Variants in FBXL2 observed in about 807,000 individuals in gnomAD.
FBXL2 encodes F-box and leucine rich repeat protein 2.
Under a neutral mutation model 69.2 loss-of-function variants are expected in FBXL2, and 38 were observed. The observed-to-expected ratio is 0.55, with a 90% CI of 0.42 to 0.72. FBXL2 has a LOEUF of 0.72. FBXL2 is among the 30% of genes least tolerant of loss of function. FBXL2 has a pLI of 0.00. For synonymous variants in FBXL2, 192 were observed against 201.3 expected (o/e 0.95, Z 0.39); for missense variants, 354 against 520.3 (o/e 0.68, Z 3.11).
At chr3:33,334,544 G>A (rs1357517285) in intron 2 of FBXL2, among the ~76,000 whole-genome samples, 2 of 152,120 alleles carry the variant, frequency 1.3e-5, no homozygotes, top group Non-Finnish European at 2.9e-5. Context: ...CATCAGCAAC[G>A]TGTAAGGAAA....
chr3:33,303,729 T>A (rs575744037), intron 2 of FBXL2, among the ~76,000 whole-genome samples: 1 of 152,194 alleles, frequency 6.6e-6, no homozygotes, highest in African/African-American at 2.4e-5. Context: ...TAATTAGATA[T>A]ACATTATAAG....
chr3:33,311,234 T>C (rs1007840171), intron 2 of FBXL2, among the ~76,000 whole-genome samples: 1 of 152,198 alleles, frequency 6.6e-6, no homozygotes, highest in African/African-American at 2.4e-5. Flanking sequence ...CAATCCTGTG[T>C]TTTGGTGTAG....
At chr3:33,352,058 T>C (rs1224992546) in intron 2 of FBXL2, among the ~76,000 whole-genome samples, 2 of 151,982 alleles carry the variant, frequency 1.3e-5, no homozygotes, top group African/African-American at 4.8e-5. Context: ...ACTGACACTA[T>C]TGGACTAATT....
At chr3:33,394,962 A>G (rs1002165197) in intron 12 of FBXL2, among the ~76,000 whole-genome samples, 3 of 152,076 alleles carry the variant, frequency 2.0e-5, no homozygotes, top group African/African-American at 7.2e-5. Context: ...GGAAATATTT[A>G]CTACCTGACC....
chr3:33,319,410 A>G (rs1232215882), intron 2 of FBXL2, among the ~76,000 whole-genome samples: 1 of 152,240 alleles, frequency 6.6e-6, no homozygotes, highest in Admixed American at 6.5e-5. Context: ...TGAAGTATCT[A>G]TGAATTTTTA....
At chr3:33,317,314 C>T (rs922764271) in intron 2 of FBXL2, among the ~76,000 whole-genome samples, 3 of 152,190 alleles carry the variant, frequency 2.0e-5, no homozygotes, top group East Asian at 1.9e-4. Flanking sequence ...AATACACTTA[C>T]ACCTCAACCT....
At chr3:33,354,056 T>A (rs78649711) in intron 2 of FBXL2, among the ~76,000 whole-genome samples, 1 of 152,362 alleles carries the variant, frequency 6.6e-6, no homozygotes, top group Non-Finnish European at 1.5e-5. Context: ...GAGTGAACTT[T>A]GTTGTAAACT....
chr3:33,394,951 T>C (rs2043917278), intron 12 of FBXL2, among the ~76,000 whole-genome samples: 1 of 151,844 alleles, frequency 6.6e-6, no homozygotes, highest in Non-Finnish European at 1.5e-5. Context: ...TCTAAAGAGA[T>C]GGAAATATTT....
intron 5 of FBXL2, among the ~76,000 whole-genome samples, chr3:33,369,300 C>A (rs1226861814): frequency 6.6e-6 from 1 of 152,124 alleles, no homozygotes; most frequent in South Asian, 2.1e-4. Flanking sequence ...GATCTGCCCA[C>A]CTCAGCCTCC....
chr3:33,319,501 G>C (rs1293105704), intron 2 of FBXL2, among the ~76,000 whole-genome samples: 3 of 152,106 alleles, frequency 2.0e-5, no homozygotes, highest in Non-Finnish European at 4.4e-5. Context: ...ACTGTGCTTA[G>C]AATGTTGAAT....
chr3:33,347,738 G>A (rs140084795), intron 2 of FBXL2, among the ~76,000 whole-genome samples: 32 of 152,032 alleles, frequency 2.1e-4, no homozygotes, highest in African/African-American at 3.6e-4. Flanking sequence ...ATGATATCTC[G>A]TTGTATTTTG....
chr3:33,309,413 A>G (rs12489719), intron 2 of FBXL2, among the ~76,000 whole-genome samples: 11,866 of 152,228 alleles, frequency 0.078, 543 homozygotes, highest in South Asian at 0.11. Context: ...TTTATTTGAT[A>G]TAAGTATATA....
At chr3:33,394,811 C>T (rs1398802747) in intron 12 of FBXL2, among the ~76,000 whole-genome samples, 1 of 140,576 alleles carries the variant, frequency 7.1e-6, no homozygotes, top group East Asian at 2.2e-4. Context: ...TTCCTGCCCT[C>T]CACTTGTTTT....
chr3:33,402,561 G>T (rs748505011), intron 12 of FBXL2, among the ~76,000 whole-genome samples: 2 of 152,106 alleles, frequency 1.3e-5, no homozygotes, highest in Non-Finnish European at 2.9e-5. Flanking sequence ...TGAAAATGGC[G>T]CCTTGTCTAC....
intron 12 of FBXL2, chr3:33,397,214 G>T: frequency 9.6e-7 from 1 of 1,037,502 alleles, no homozygotes; most frequent in East Asian, 2.5e-5. Flanking sequence ...TCTTCATGCA[G>T]TCCAATGTCC....
intron 12 of FBXL2, among the ~76,000 whole-genome samples, chr3:33,395,330 C>CT (rs397940588): frequency 0.024 from 3,530 of 147,548 alleles, 125 homozygotes; most frequent in African/African-American, 0.077. Flanking sequence ...ATTAACACAT[C>CT]TTTTTTTTTT....
chr3:33,292,234 A>T (rs1384664566), intron 1 of FBXL2, among the ~76,000 whole-genome samples: 1 of 151,938 alleles, frequency 6.6e-6, no homozygotes, highest in East Asian at 1.9e-4. Flanking sequence ...ACAAAAATTA[A>T]CTGGGTGTGG....
Position 33,375,411 on chromosome 3 carries a change from C to A in FBXL2, c.781C>A (p.Arg261=), listed in dbSNP as rs762197933. The change falls in exon 10 of 15, where the codon CGA becomes AGA. Residue 261 remains arginine (R), a synonymous_variant. Coordinates refer to ENST00000484457, the MANE Select transcript of FBXL2 (RefSeq NM_012157.5). ...SLTALGLNCP[R]LQILEAARCS... The stretch of plus-strand genomic sequence containing the variant: ...TACAGCCCTGGGTTTGAACTGTCCG[C>A]GACTGCAGTGAGTACACTGCACTTT... 2 of 1,613,980 alleles carry A rather than the reference C, an allele frequency of 1.2e-6. No individual in the cohort carries two copies. Among genetic ancestry groups the A allele is most frequent in the East Asian group, 2.2e-5 (1 of 44,880 alleles).
intron 2 of FBXL2, among the ~76,000 whole-genome samples, chr3:33,311,359 G>T (rs1003688044): frequency 4.6e-4 from 70 of 151,918 alleles, no homozygotes; most frequent in African/African-American, 1.6e-3. Context: ...CTTTCTACCC[G>T]CCCCCACTTT....
Sources: gnomAD v4.1 joint callset for allele counts (sites outside exome capture counted in the v4.1 genomes callset) on GRCh38, gnomAD v4.1.1 for gene constraint, MANE v1.5 for transcripts, NCBI Gene and HGNC (gene_info 2026-07-23, HGNC 2026-07-21) for gene names.